Variants in CNKSR2 observed in about 807,000 individuals in gnomAD.
The protein encoded by CNKSR2 is connector enhancer of kinase suppressor of Ras 2.
Under a neutral mutation model 84.4 loss-of-function variants are expected in CNKSR2, and 14 were observed. The ratio of observed to expected loss-of-function variants is 0.17; its 90% CI spans 0.11 to 0.26. CNKSR2 has a LOEUF of 0.26. Ranked by LOEUF, CNKSR2 falls within the 10% of genes least tolerant of loss-of-function variation. The pLI, the probability that CNKSR2 is intolerant of heterozygous loss-of-function variation, is 1.00. For missense variants in CNKSR2, 485 were observed against 771.2 expected, an observed-to-expected ratio of 0.63 and a Z score of 4.40; for synonymous variants, 275 against 277.9, an observed-to-expected ratio of 0.99 and a Z score of 0.10.
intron 20 of CNKSR2, among the ~76,000 whole-genome samples, chrX:21,631,340 A>T (rs904659071): frequency 8.9e-6 from 1 of 112,118 alleles, no homozygotes; most frequent in African/African-American, 3.2e-5. Flanking sequence ...ATAAATAAAT[A>T]AAATAATTCC....
At chrX:21,468,319 A>T (rs1346356810) in intron 4 of CNKSR2, among the ~76,000 whole-genome samples, 1 of 111,478 alleles carries the variant, frequency 9.0e-6, no homozygotes, top group Non-Finnish European at 1.9e-5. Flanking sequence ...TATAGGTAGC[A>T]CATTTAAAAT....
At chrX:21,623,257 G>C (rs1325017829) in intron 20 of CNKSR2, among the ~76,000 whole-genome samples, 1 of 111,260 alleles carries the variant, frequency 9.0e-6, no homozygotes, top group Non-Finnish European at 1.9e-5. Flanking sequence ...GTTGCATTCA[G>C]ACTTCTTCAT....
chrX:21,450,830 AG>A (rs1401172194), intron 4 of CNKSR2, among the ~76,000 whole-genome samples: 1 of 111,751 alleles, frequency 8.9e-6, no homozygotes, highest in Non-Finnish European at 1.9e-5. Flanking sequence ...ATGACTATAA[AG>A]TTCTTGCTAT....
In CNKSR2 at chrX:21,509,052, G is replaced by A. The variant is rs141114840; in HGVS notation, c.811-7433G>A. Among the ~76,000 whole-genome samples the A allele has an allele frequency of 1.5e-4, 17 of 111,821 alleles. No individual in the cohort carries two copies. The East Asian group carries it at 4.2e-3, about 28-fold the overall frequency. On this transcript the variant is annotated intron_variant, in intron 8 of 21. Coordinates refer to ENST00000379510, the MANE Select transcript of CNKSR2 (RefSeq NM_014927.5). ...GGACTCTCTGTCCATCTTTAGCTGT[G>A]AGAAATTATGTTCTCTGTTAGTGCT...
intron 20 of CNKSR2, among the ~76,000 whole-genome samples, chrX:21,626,227 G>A (rs1264771895): frequency 2.2e-5 from 2 of 90,962 alleles, no homozygotes; most frequent in Non-Finnish European, 4.2e-5. Flanking sequence ...AAGAAAAGGA[G>A]GGTACATTCT....
chrX:21,467,421 A>G (rs959323845), intron 4 of CNKSR2, among the ~76,000 whole-genome samples: 1 of 110,853 alleles, frequency 9.0e-6, no homozygotes, highest in Middle Eastern at 4.2e-3. Context: ...TTCTCTTTCT[A>G]AAGACCCACT....
At chrX:21,472,412 T>G (rs1483967943) in intron 5 of CNKSR2, among the ~76,000 whole-genome samples, 1 of 111,897 alleles carries the variant, frequency 8.9e-6, no homozygotes, top group Non-Finnish European at 1.9e-5. Flanking sequence ...CTCCCTGATG[T>G]TAGTATCAAA....
rs183439751 is a variant in CNKSR2, at chrX:21,565,617, C to T, written c.1608+2165C>T. Among the ~76,000 whole-genome samples, 16 of 111,467 alleles carry T rather than the reference C, an allele frequency of 1.4e-4. No individual in the cohort carries two copies. The East Asian group carries it at 2.0e-3, about 14-fold the overall frequency. On this transcript the variant is annotated intron_variant, in intron 13 of 21. Transcript: ENST00000379510. Reference sequence around the variant, plus strand: ...AGCACAGAGTAAGGAATATTGTTAACTTTGGGGGAGATCTTCCCCTATAAT... The same window carrying T: ...AGCACAGAGTAAGGAATATTGTTAATTTTGGGGGAGATCTTCCCCTATAAT...
chrX:21,606,925 T>C, intron 19 of CNKSR2, 46 bp downstream of exon 19: 2 of 675,511 alleles, frequency 3.0e-6, no homozygotes, highest in Non-Finnish European at 4.5e-6. Flanking sequence ...TTCTTCTACC[T>C]GAAACATCCT....
At chrX:21,520,661 A>G (rs894315867) in intron 9 of CNKSR2, among the ~76,000 whole-genome samples, 1 of 109,030 alleles carries the variant, frequency 9.2e-6, no homozygotes, top group Non-Finnish European at 1.9e-5. Context: ...CTGGGAATCA[A>G]TGACTTTTAA....
chrX:21,374,488 C>T lies in CNKSR2; in HGVS notation c.-410C>T. On this transcript the variant is annotated 5_prime_UTR_variant, in exon 1 of 22. Coordinates refer to ENST00000379510, the MANE Select transcript of CNKSR2 (RefSeq NM_014927.5). ...CGCGTGAGGCGAGCGGGCAAGTTGG[C>T]TGAGGGCGTGCGGCAGAGGCTGCTT... 2.7e-6 allele frequency: 1 copy of T among 372,131 alleles called. No individual in the cohort carries two copies. Among genetic ancestry groups the T allele is most frequent in the Admixed American group, 4.0e-5 (1 of 24,936 alleles). The allele number at this position is 372,131 out of a possible 1,213,427, so 30.7% of individuals were successfully genotyped here.
At chrX:21,491,399 C>T (rs2091441312) in intron 6 of CNKSR2, 1 of 112,085 alleles carries the variant, frequency 8.9e-6, no homozygotes, top group African/African-American at 3.2e-5. Context: ...ATCTTGACAA[C>T]TAGCATTAAT....
chrX:21,413,070 T>A (rs755827123), intron 1 of CNKSR2, among the ~76,000 whole-genome samples: 7 of 111,034 alleles, frequency 6.3e-5, no homozygotes, highest in Non-Finnish European at 1.3e-4. Flanking sequence ...CTATTATTCC[T>A]CCCCTCAGCC....
At chrX:21,593,258 A>T (rs2092431824) in intron 15 of CNKSR2, 1 of 111,710 alleles carries the variant, frequency 9.0e-6, no homozygotes, top group Non-Finnish European at 1.9e-5. Flanking sequence ...TCTTGTCCTT[A>T]CTCCAAGATT....
intron 1 of CNKSR2, chrX:21,426,048 G>A (rs772312960): frequency 8.7e-6 from 1 of 114,499 alleles, no homozygotes; most frequent in Non-Finnish European, 1.8e-5. Flanking sequence ...AGTTATTGAA[G>A]TTGTGTTAAG....
At chrX:21,471,189 A>T (rs747273822) in intron 5 of CNKSR2, among the ~76,000 whole-genome samples, 12 of 112,138 alleles carry the variant, frequency 1.1e-4, no homozygotes, top group Non-Finnish European at 2.3e-4. Context: ...GAAATACTTT[A>T]TTAAAAAAAT....
intron 1 of CNKSR2, among the ~76,000 whole-genome samples, chrX:21,415,833 T>TACACAC (rs559013925): frequency 8.5e-4 from 75 of 88,195 alleles, no homozygotes; most frequent in Non-Finnish European, 1.4e-3. Context: ...TATACATATA[T>TACACAC]ACACACACAC....
At chrX:21,453,907 A>G (rs1601810351) in intron 4 of CNKSR2, among the ~76,000 whole-genome samples, 1 of 111,369 alleles carries the variant, frequency 9.0e-6, no homozygotes, top group Admixed American at 9.5e-5. Context: ...CTCACTCACT[A>G]TCACAAGAAC....
chrX:21,449,008 G>A (rs1233691497), intron 4 of CNKSR2, among the ~76,000 whole-genome samples: 1 of 111,741 alleles, frequency 8.9e-6, no homozygotes, highest in African/African-American at 3.3e-5. Flanking sequence ...AAATTTATCT[G>A]TTAAAACCAG....
Sources: gnomAD v4.1 joint callset for allele counts (sites outside exome capture counted in the v4.1 genomes callset) on GRCh38, gnomAD v4.1.1 for gene constraint, MANE v1.5 for transcripts, NCBI Gene and HGNC (gene_info 2026-07-23, HGNC 2026-07-21) for gene names.